Variants in CCDC149 observed in about 807,000 individuals in gnomAD.
CCDC149 encodes the protein coiled-coil domain containing 149.
A neutral mutation model predicts 59.9 loss-of-function variants in CCDC149; 45 were observed. The ratio of observed to expected loss-of-function variants is 0.75; its 90% CI spans 0.59 to 0.96. CCDC149 has a LOEUF of 0.96. CCDC149 is among the 40% of genes least tolerant of loss of function. CCDC149 has a pLI of 0.00. For synonymous variants in CCDC149, 245 were observed against 260.6 expected (o/e 0.94, Z 0.58); for missense variants, 584 against 664.7 (o/e 0.88, Z 1.33).
intron 4 of CCDC149, among the ~76,000 whole-genome samples, chr4:24,841,082 C>T (rs1047648625): frequency 6.6e-6 from 1 of 152,090 alleles, no homozygotes; most frequent in African/African-American, 2.4e-5. Context: ...ATCAGAACTC[C>T]AAAAGTGGAT....
At chr4:24,810,363 A>T (rs576121644) in intron 12 of CCDC149, among the ~76,000 whole-genome samples, 46 of 152,342 alleles carry the variant, frequency 3.0e-4, no homozygotes, top group African/African-American at 1.0e-3. Context: ...TTATGTATCC[A>T]GCTCAATGAA....
intron 3 of CCDC149, among the ~76,000 whole-genome samples, chr4:24,856,159 CCT>C (rs142001997): frequency 0.67 from 87,111 of 130,702 alleles, 25,306 homozygotes; most frequent in East Asian, 0.78. Context: ...GCAGCGAAGG[CCT>C]CTCCTTGGAC....
chr4:24,934,820 A>G (rs1722694229), intron 1 of CCDC149, among the ~76,000 whole-genome samples: 1 of 152,266 alleles, frequency 6.6e-6, no homozygotes, highest in African/African-American at 2.4e-5. Flanking sequence ...GTCAAAGAGA[A>G]CAAAGATATG....
rs553811800 is a variant in CCDC149, at chr4:24,887,180, A to C, written c.64-10483T>G. On this transcript the variant is annotated intron_variant, in intron 1 of 12. Coordinates refer to ENST00000635206, the MANE Select transcript of CCDC149 (RefSeq NM_001330643.2). ...GCTACAACAAAGATCAAAAGATCAT[A>C]ATAATTAAATGGCTATCTGACATAC... is the stretch of plus-strand genomic sequence containing the variant. Among the ~76,000 whole-genome samples the C allele has an allele frequency of 1.3e-4, 19 of 151,824 alleles. No individual in the cohort carries two copies. In the South Asian group the frequency reaches 4.0e-3, roughly 32 times the overall value.
At chr4:24,874,307 G>A (rs1452301325) in intron 2 of CCDC149, among the ~76,000 whole-genome samples, 5 of 134,146 alleles carry the variant, frequency 3.7e-5, no homozygotes, top group African/African-American at 5.8e-5. Context: ...CTGGCCAGGC[G>A]TGGTGGCTCA....
chr4:24,969,250 C>T (rs948681571), intron 1 of CCDC149, among the ~76,000 whole-genome samples: 1 of 152,182 alleles, frequency 6.6e-6, no homozygotes, highest in Non-Finnish European at 1.5e-5. Flanking sequence ...CTAAATCCAG[C>T]CACTGCTGAA....
chr4:24,943,150 C>T lies in CCDC149; in HGVS notation c.-65+36919G>A, dbSNP rs61588191. Among the ~76,000 whole-genome samples the T allele has an allele frequency of 2.6e-4, 39 of 152,272 alleles. No homozygotes were observed. In the South Asian group the frequency reaches 8.1e-3, roughly 32 times the overall value. On this transcript the variant is annotated intron_variant, in intron 1 of 12. Transcript: ENST00000389609. ...TCACGATACCTGACTTCAAACTATACTACAAGGCTACGGTAACCAAAACAG... is the reference window on the plus strand; with the variant it reads ...TCACGATACCTGACTTCAAACTATATTACAAGGCTACGGTAACCAAAACAG...
chr4:24,944,656 A>T (rs1723053930), intron 1 of CCDC149, among the ~76,000 whole-genome samples: 1 of 151,498 alleles, frequency 6.6e-6, no homozygotes, highest in South Asian at 2.1e-4. Flanking sequence ...CAGAGCTAAA[A>T]CCTAGATGAT....
At position 24,822,525 on chromosome 4, in the gene CCDC149, C is replaced by T; in HGVS notation, c.1014G>A (p.Leu338=). The change falls in exon 10 of 13, where the codon CTG becomes CTA. Residue 338 remains leucine (L), a synonymous_variant. Transcript: ENST00000635206. ...GAAGACTCCACAAACCAGAAACTTC[C>T]AGAGTTCTTAATTTTTTTTCCAGCT... 1 of 1,537,080 alleles carries T rather than the reference C, an allele frequency of 6.5e-7. No homozygotes were observed.
chr4:24,831,682 G>T, intron 8 of CCDC149, 32 bp from the exon 9 acceptor site: 1 of 1,595,008 alleles, frequency 6.3e-7, no homozygotes, highest in Non-Finnish European at 8.6e-7. Context: ...TAACTCAGTC[G>T]TCATTCTTCT....
rs34694471 is a variant in CCDC149 at position 24,883,203 on chromosome 4, C to CTT, written c.64-6508_64-6507dup. ...TTAGTTGCAACCCTTGTTTTCTTTT[C>CTT]TTTTTTTTTTTTTTAAAGGTACAGA... On this transcript the variant is annotated intron_variant, in intron 1 of 12. Transcript: ENST00000635206. Among the ~76,000 whole-genome samples the CTT allele has an allele frequency of 4.9e-4, 72 of 147,426 alleles. 2 individuals are homozygous for CTT. The highest frequency in any genetic ancestry group is 2.4e-3 in the East Asian group (12 of 5,046).
chr4:24,862,877 TG>T (rs11345321), intron 3 of CCDC149, among the ~76,000 whole-genome samples: 11,781 of 152,236 alleles, frequency 0.077, 469 homozygotes, highest in Middle Eastern at 0.095. Flanking sequence ...GCATGTAAAA[TG>T]TTAATAAAAT....
rs181945400 is a variant in CCDC149, at chr4:24,952,693, T to C, written c.-65+27376A>G. On this transcript the variant is annotated intron_variant, in intron 1 of 12. Coordinates refer to the CCDC149 transcript ENST00000389609. The stretch of plus-strand genomic sequence containing the variant: ...GGTAAAAGACACATAACAAAAAATT[T>C]ACCCTCTTAACCATTTTTAAGTGTG... Among the ~76,000 whole-genome samples the C allele has an allele frequency of 5.5e-3, 768 of 139,374 alleles. 15 individuals carry two copies. Among genetic ancestry groups the C allele is most frequent in the African/African-American group, 0.019 (722 of 37,294 alleles). The allele number at this position is 139,374 out of a possible 152,430, so 91.4% of individuals were successfully genotyped here.
chr4:24,971,026 A>G (rs28392931), intron 1 of CCDC149, among the ~76,000 whole-genome samples: 4,286 of 152,322 alleles, frequency 0.028, 176 homozygotes, highest in African/African-American at 0.097. Flanking sequence ...GGCCTTTGAC[A>G]TAATAACTGC....
At chr4:24,931,115 A>G (rs4697079) in intron 1 of CCDC149, among the ~76,000 whole-genome samples, 15,153 of 151,556 alleles carry the variant, frequency 0.1, 1,390 homozygotes, top group East Asian at 0.28. Context: ...TATGTGTTCA[A>G]TATGCTGTAC....
intron 1 of CCDC149, among the ~76,000 whole-genome samples, chr4:24,951,260 T>C (rs1190037548): frequency 6.6e-6 from 1 of 152,244 alleles, no homozygotes; most frequent in African/African-American, 2.4e-5. Context: ...GCCCCGAATG[T>C]TTCCATTCAG....
chr4:24,858,604 C>A (rs1405527044), intron 3 of CCDC149, among the ~76,000 whole-genome samples: 3 of 152,072 alleles, frequency 2.0e-5, no homozygotes, highest in African/African-American at 4.8e-5. Context: ...GATTCAAGGC[C>A]GAAAGGATAT....
rs370337373 is a variant in CCDC149, at chr4:24,838,225, G to A, written c.420C>T (p.Ile140=). ...CATGGGCTGCAAAGTGTCGCACGCCGATTGCTTCGTCTCCGAGCCTTTGTT... is the reference window on the plus strand; with the variant it reads ...CATGGGCTGCAAAGTGTCGCACGCCAATTGCTTCGTCTCCGAGCCTTTGTT... Residue 140 remains isoleucine (I), a synonymous_variant, in exon 5 of 13, where the codon ATC becomes ATT. Coordinates refer to ENST00000635206, the MANE Select transcript of CCDC149 (RefSeq NM_001330643.2). 61 of 1,613,998 alleles carry A rather than the reference G, an allele frequency of 3.8e-5. No individual in the cohort carries two copies. The highest frequency in any genetic ancestry group is 1.2e-4 in the Admixed American group (7 of 60,000).
chr4:24,808,682 A>C lies in CCDC149; in HGVS notation c.1330T>G (p.Ser444Ala). Residue 444 changes from serine to alanine, a missense_variant, in exon 13 of 13, where the codon TCA (serine) becomes GCA (alanine). By Grantham distance (99) the Ser-to-Ala change is moderately conservative. Coordinates refer to ENST00000635206, the MANE Select transcript of CCDC149 (RefSeq NM_001330643.2). The stretch of plus-strand genomic sequence containing the variant: ...TCCTCAGAAGGTAACTGGGGTAATG[A>C]AGGATGAAAGAGCTTGCATTGGTTC... The C allele has an allele frequency of 6.4e-7, 1 of 1,552,360 alleles. No homozygotes were observed. Among genetic ancestry groups the C allele is most frequent in the South Asian group, 1.2e-5 (1 of 84,056 alleles).
Sources: gnomAD v4.1 joint callset for allele counts (sites outside exome capture counted in the v4.1 genomes callset) on GRCh38, gnomAD v4.1.1 for gene constraint, MANE v1.5 for transcripts, NCBI Gene and HGNC (gene_info 2026-07-23, HGNC 2026-07-21) for gene names.